DENND1A: variants seen among roughly 807,000 people sequenced by gnomAD.
The protein encoded by DENND1A is DENN domain containing 1A.
DENND1A carries 51 observed loss-of-function variants against 113.7 expected under a neutral mutation model. The ratio of observed to expected loss-of-function variants is 0.45; its 90% CI spans 0.36 to 0.57. The LOEUF (loss-of-function observed/expected upper bound fraction) is 0.57, where lower values mean the gene tolerates loss of function less well. DENND1A is among the 20% of genes least tolerant of loss of function. DENND1A has a pLI of 0.00. For missense variants in DENND1A, 1,258 were observed against 1,395.9 expected, an observed-to-expected ratio of 0.90 and a Z score of 1.57; for synonymous variants, 565 against 570.8, an observed-to-expected ratio of 0.99 and a Z score of 0.14.
At chr9:123,498,282 C>A (rs957303213) in intron 13 of DENND1A, among the ~76,000 whole-genome samples, 5 of 152,172 alleles carry the variant, frequency 3.3e-5, no homozygotes, top group Non-Finnish European at 5.9e-5. Context: ...TAAGACCATC[C>A]CTGTGGGGAA....
chr9:123,673,921 C>G (rs765369664), intron 6 of DENND1A, among the ~76,000 whole-genome samples: 14 of 151,414 alleles, frequency 9.2e-5, no homozygotes, highest in Non-Finnish European at 1.3e-4. Context: ...TGTCCAGATG[C>G]CCTCCCTTCC....
chr9:123,454,744 C>T lies in DENND1A; in HGVS notation c.1222G>A (p.Val408Ile), dbSNP rs1220792602. The change falls in exon 16 of 24, where the codon GTC (valine) becomes ATC (isoleucine). Residue 408 changes from valine to isoleucine, a missense_variant. By Grantham distance (29) the Val-to-Ile change is conservative (BLOSUM62 3). Transcript: ENST00000394215. ...DKLYHQWLST[V>I]RKGSGAILNT... Reference sequence around the variant, plus strand: ...TGAATTGGGTGCATGCTTACCCGGACAGTGGAGAGCCACTGATGGTACAGT... The same window carrying T: ...TGAATTGGGTGCATGCTTACCCGGATAGTGGAGAGCCACTGATGGTACAGT... 2 of 1,554,604 alleles carry T rather than the reference C, an allele frequency of 1.3e-6. No homozygotes were observed.
chr9:123,521,402 T>C (rs1196049761), intron 13 of DENND1A, among the ~76,000 whole-genome samples: 2 of 152,188 alleles, frequency 1.3e-5, no homozygotes, highest in Non-Finnish European at 2.9e-5. Flanking sequence ...CCCCTATTGT[T>C]ACAACTTTGG....
chr9:123,870,018 A>AAG (rs1846309832), intron 2 of DENND1A, among the ~76,000 whole-genome samples: 1 of 151,738 alleles, frequency 6.6e-6, no homozygotes, highest in African/African-American at 2.4e-5. Context: ...AAAAAAAAAA[A>AAG]AAAAAAGAAT....
chr9:123,801,349 C>T (rs565427893), intron 2 of DENND1A, among the ~76,000 whole-genome samples: 130 of 152,308 alleles, frequency 8.5e-4, no homozygotes, highest in Middle Eastern at 6.8e-3. Flanking sequence ...TGGCAACCAC[C>T]AATCTACTTT....
intron 2 of DENND1A, among the ~76,000 whole-genome samples, chr9:123,871,962 T>G (rs945918337): frequency 2.6e-5 from 4 of 152,192 alleles, no homozygotes; most frequent in Non-Finnish European, 1.5e-5. Context: ...TCCAGAGTTT[T>G]TGTGTGGCCA....
intron 13 of DENND1A, among the ~76,000 whole-genome samples, chr9:123,548,636 A>C (rs2056856822): frequency 6.6e-6 from 1 of 152,226 alleles, no homozygotes; most frequent in Non-Finnish European, 1.5e-5. Flanking sequence ...AGCACTACTC[A>C]TAACAGCCAA....
chr9:123,516,155 C>A (rs1286862448), intron 13 of DENND1A, among the ~76,000 whole-genome samples: 1 of 102,996 alleles, frequency 9.7e-6, no homozygotes, highest in African/African-American at 5.0e-5. Context: ...CACACACACA[C>A]AAAGGTTGGG....
chr9:123,445,696 C>A (rs1182728091), intron 18 of DENND1A, among the ~76,000 whole-genome samples: 1 of 152,202 alleles, frequency 6.6e-6, no homozygotes, highest in Non-Finnish European at 1.5e-5. Context: ...CATGGCAAAA[C>A]CCCGTCTCTA....
Position 123,380,460 on chromosome 9 carries a change from G to A in DENND1A, c.*972C>T, listed in dbSNP as rs1477294844. 1.3e-5 allele frequency: 2 copies of A among 152,566 alleles called. No individual in the cohort carries two copies. The highest frequency in any genetic ancestry group is 2.4e-5 in the African/African-American group (1 of 41,560). The allele number at this position is 152,566 out of a possible 1,614,324, so 9.5% of individuals were successfully genotyped here. ...TTTGTCCTTTCTACCTGGCCCTGGA[G>A]AAGGGGCTCAGGGCCACTGCCTCGT... On this transcript the variant is annotated 3_prime_UTR_variant, in exon 24 of 24. Coordinates refer to ENST00000394215, the MANE Select transcript of DENND1A (RefSeq NM_001352964.2).
chr9:123,483,377 C>G lies in DENND1A; in HGVS notation c.994-25480G>C, dbSNP rs575951993. Among the ~76,000 whole-genome samples the G allele has an allele frequency of 2.0e-5, 3 of 152,334 alleles. No individual in the cohort carries two copies. The South Asian group carries it at 6.2e-4, about 32-fold the overall frequency. On this transcript the variant is annotated intron_variant, in intron 13 of 23. Coordinates refer to ENST00000394215, the MANE Select transcript of DENND1A (RefSeq NM_001352964.2). ...CCATGCCGCCGCTGCTGCTCCAGTC[C>G]TCCCTTGGCTGCCAGATGACCCCCA... is the stretch of plus-strand genomic sequence containing the variant.
Position 123,813,154 on chromosome 9 carries a change from G to C in DENND1A, c.89-20524C>G, listed in dbSNP as rs144575703. ...TTTTTTGGTTTTCTGTAGAGACAGG[G>C]ATCTCACTATGTTGTCCAGGCTGGT... On this transcript the variant is annotated intron_variant, in intron 2 of 23. Coordinates refer to ENST00000394215, the MANE Select transcript of DENND1A (RefSeq NM_001352964.2). Among the ~76,000 whole-genome samples the C allele has an allele frequency of 4.5e-4, 69 of 152,190 alleles. 1 individual carries two copies. The highest frequency in any genetic ancestry group is 1.6e-3 in the African/African-American group (68 of 41,532).
At chr9:123,691,319 A>T (rs556071862) in intron 5 of DENND1A, among the ~76,000 whole-genome samples, 7 of 152,172 alleles carry the variant, frequency 4.6e-5, no homozygotes, top group Admixed American at 2.0e-4. Context: ...CTACGTGATG[A>T]TGCTGCAACA....
intron 9 of DENND1A, among the ~76,000 whole-genome samples, chr9:123,650,874 T>A (rs951734876): frequency 2.5e-5 from 3 of 121,128 alleles, no homozygotes; most frequent in African/African-American, 3.4e-5. Context: ...GCCACTGAAC[T>A]CCAGCCTGGG....
rs1256216236 is a variant in DENND1A, at chr9:123,512,632, G to A, written c.993+44938C>T. Reference sequence around the variant, plus strand: ...CGTCACAGACCTCCCCAAAGCAGGAGCCAGAAGCCTAGTGGCATGGATGCA... The same window carrying A: ...CGTCACAGACCTCCCCAAAGCAGGAACCAGAAGCCTAGTGGCATGGATGCA... On this transcript the variant is annotated intron_variant, in intron 13 of 23. Coordinates refer to ENST00000394215, the MANE Select transcript of DENND1A (RefSeq NM_001352964.2). Among the ~76,000 whole-genome samples, 3 of 152,238 alleles carry A rather than the reference G, an allele frequency of 2.0e-5. No homozygotes were observed. The East Asian group carries it at 5.8e-4, about 29-fold the overall frequency.
intron 20 of DENND1A, among the ~76,000 whole-genome samples, chr9:123,410,659 G>T (rs564410272): frequency 1.3e-5 from 2 of 152,168 alleles, no homozygotes; most frequent in South Asian, 2.1e-4. Context: ...TGGATGCTGG[G>T]TGCATCTCCC....
At chr9:123,855,804 G>A (rs939131112) in intron 2 of DENND1A, among the ~76,000 whole-genome samples, 1 of 152,180 alleles carries the variant, frequency 6.6e-6, no homozygotes, top group African/African-American at 2.4e-5. Context: ...TTGTGAGGCT[G>A]AGGCAGGCGG....
intron 13 of DENND1A, among the ~76,000 whole-genome samples, chr9:123,522,992 A>T (rs1389044587): frequency 6.6e-6 from 1 of 152,250 alleles, no homozygotes; most frequent in East Asian, 1.9e-4. Context: ...TTTTCCTTCC[A>T]AAAGCTCACA....
chr9:123,791,174 A>G lies in DENND1A; in HGVS notation c.132+1413T>C, dbSNP rs564468656. On this transcript the variant is annotated intron_variant, in intron 3 of 23. Coordinates refer to ENST00000394215, the MANE Select transcript of DENND1A (RefSeq NM_001352964.2). ...TGAGAATTCAGATCATGGAACTACA[A>G]AGGTTATTTACCTAGACACAAGACT... Among the ~76,000 whole-genome samples, 9 of 152,292 alleles carry G rather than the reference A, an allele frequency of 5.9e-5. No homozygotes were observed. The South Asian group carries it at 1.9e-3, about 32-fold the overall frequency.
Sources: allele counts gnomAD v4.1 joint callset (sites outside exome capture counted in the v4.1 genomes callset), GRCh38; gene constraint gnomAD v4.1.1; transcripts MANE v1.5; gene names NCBI Gene and HGNC (gene_info 2026-07-23, HGNC 2026-07-21).